The following VPS53 variants were observed in gnomAD, a reference collection of about 807,000 sequenced individuals.
The protein encoded by VPS53 is vacuolar protein sorting-associated protein 53 homolog.
In VPS53, 70 loss-of-function variants were observed where a neutral mutation model predicts 107.0. That is an observed-to-expected ratio of 0.65 (90% CI 0.54 to 0.80). The LOEUF (loss-of-function observed/expected upper bound fraction) is 0.80, where lower values mean the gene tolerates loss of function less well. Among genes scored for constraint, VPS53 ranks in the 30% least tolerant of loss-of-function variants. The probability of loss-of-function intolerance (pLI) is 0.00; values close to 1 mark genes in which losing one functional copy is unlikely to be tolerated. For synonymous variants in VPS53, 409 were observed against 393.3 expected (o/e 1.04, Z -0.47); for missense variants, 917 against 1,049.4 (o/e 0.87, Z 1.74).
At chr17:594,264 A>G (rs894678141) in intron 12 of VPS53, among the ~76,000 whole-genome samples, 4 of 152,238 alleles carry the variant, frequency 2.6e-5, no homozygotes, top group Non-Finnish European at 5.9e-5. Context: ...ACATGTATAC[A>G]TATGTAACTA....
At chr17:713,221 G>A (rs1227244369) in intron 1 of VPS53, among the ~76,000 whole-genome samples, 1 of 151,936 alleles carries the variant, frequency 6.6e-6, no homozygotes, top group East Asian at 1.9e-4. Context: ...AAGTTTCCCA[G>A]GGGTCATTAA....
At chr17:605,558 C>T (rs1356910044) in intron 11 of VPS53, among the ~76,000 whole-genome samples, 3 of 109,582 alleles carry the variant, frequency 2.7e-5, no homozygotes, top group African/African-American at 7.5e-5. Context: ...AGAGGGGTGG[C>T]GGGAGTCCCA....
intron 10 of VPS53, among the ~76,000 whole-genome samples, 157 bp from the exon 11 acceptor site, chr17:623,831 T>A (rs1315698560): frequency 2.6e-5 from 4 of 152,192 alleles, no homozygotes; most frequent in South Asian, 2.1e-4. Flanking sequence ...ACCTGGGGAA[T>A]AGAAATACAT....
chr17:623,563 GA>G lies in VPS53; in HGVS notation c.1085del (p.Phe362SerfsTer6). 6.2e-7 allele frequency: 1 copy of G among 1,613,808 alleles called. No individual in the cohort carries two copies. The highest frequency in any genetic ancestry group is 8.5e-7 in the Non-Finnish European group (1 of 1,179,764). On this transcript the variant is annotated frameshift_variant, in exon 11 of 22. Coordinates refer to ENST00000437048, the MANE Select transcript of VPS53 (RefSeq NM_001128159.3). LOFTEE classifies it high-confidence loss of function. ...TCCCATCGGTCAGGGTGCAGCCGGAGAAGCGTTTTGCAAGAAACCCCTCAAA... is the reference window on the plus strand; with the variant it reads ...TCCCATCGGTCAGGGTGCAGCCGGAGAGCGTTTTGCAAGAAACCCCTCAAA... ...TNFEGFLAKR[F>X]SGCTLTDGTL...
At chr17:541,876 G>A (rs78567979) in intron 17 of VPS53, among the ~76,000 whole-genome samples, 1,391 of 86,038 alleles carry the variant, frequency 0.016, 41 homozygotes, top group African/African-American at 0.069. Flanking sequence ...TATCAAGCAC[G>A]TACTACGCAC....
At chr17:705,738 C>T (rs1973375607) in intron 2 of VPS53, 1 of 152,080 alleles carries the variant, frequency 6.6e-6, no homozygotes, top group South Asian at 2.1e-4. Flanking sequence ...GACTCCATCT[C>T]AAAATAATAA....
chr17:655,990 G>T, intron 5 of VPS53, 37 bp from the exon 6 acceptor site: 2 of 1,564,774 alleles, frequency 1.3e-6, no homozygotes, highest in South Asian at 1.1e-5. Context: ...AAAGGAAGAC[G>T]GTCAAGAAAG....
In VPS53 at chr17:618,475, C is replaced by T. The variant is rs189428274; in HGVS notation, c.1116+5058G>A. 1.6e-3 allele frequency among the ~76,000 whole-genome samples: 239 copies of T among 145,506 alleles called. 6 individuals are homozygous for T. The highest frequency in any genetic ancestry group is 6.8e-3 in the Admixed American group (94 of 13,730). ...GCCACTACGCCCCACTAATATTTCC[C>T]GGGTAGCTGGGACTACAGGCATGCG... On this transcript the variant is annotated intron_variant, in intron 11 of 21. Coordinates refer to ENST00000437048, the MANE Select transcript of VPS53 (RefSeq NM_001128159.3).
At chr17:710,437 C>T in intron 2 of VPS53, 96 bp downstream of exon 2, 1 of 922,374 alleles carries the variant, frequency 1.1e-6, no homozygotes, top group Non-Finnish European at 1.7e-6. Context: ...CCTTGTGTAT[C>T]AAGGGCCCGT....
intron 6 of VPS53, among the ~76,000 whole-genome samples, chr17:653,631 A>G (rs1971052740): frequency 6.6e-6 from 1 of 152,246 alleles, no homozygotes; most frequent in Non-Finnish European, 1.5e-5. Flanking sequence ...AGTCAAGTAC[A>G]CATCTAACTA....
intron 11 of VPS53, among the ~76,000 whole-genome samples, chr17:606,275 C>A (rs1968574195): frequency 6.6e-6 from 1 of 152,098 alleles, no homozygotes; most frequent in African/African-American, 2.4e-5. Context: ...AGATGGGGCA[C>A]CCTCGTGTAG....
intron 13 of VPS53, among the ~76,000 whole-genome samples, chr17:564,115 G>C (rs1285446845): frequency 1.3e-5 from 2 of 152,006 alleles, no homozygotes; most frequent in African/African-American, 4.8e-5. Flanking sequence ...CCGGGTGTGG[G>C]CCGGGTGCGG....
chr17:639,519 T>C (rs987037475), intron 7 of VPS53, among the ~76,000 whole-genome samples: 4 of 152,248 alleles, frequency 2.6e-5, no homozygotes. Context: ...TCAGCTTTTC[T>C]GCTGTTTTTT....
chr17:605,566 C>G (rs1402023851), intron 11 of VPS53, among the ~76,000 whole-genome samples: 37 of 125,290 alleles, frequency 3.0e-4, no homozygotes, highest in Non-Finnish European at 4.5e-4. Context: ...GGCGGGAGTC[C>G]CATCATATTG....
At chr17:618,765 T>C (rs540894056) in intron 11 of VPS53, among the ~76,000 whole-genome samples, 2 of 150,526 alleles carry the variant, frequency 1.3e-5, no homozygotes, top group African/African-American at 4.9e-5. Context: ...CCCGCTAATA[T>C]TTCCCGGGTA....
intron 14 of VPS53, among the ~76,000 whole-genome samples, chr17:561,220 C>T (rs965815079): frequency 6.6e-6 from 1 of 152,212 alleles, no homozygotes; most frequent in African/African-American, 2.4e-5. Flanking sequence ...AAGAGGCCAA[C>T]ACCCATCACA....
intron 4 of VPS53, chr17:684,999 A>G (rs1003191991): frequency 1.3e-5 from 2 of 150,834 alleles, no homozygotes; most frequent in African/African-American, 4.9e-5. Context: ...CAAAAAAAGG[A>G]AAAAAAAAGA....
intron 7 of VPS53, among the ~76,000 whole-genome samples, chr17:649,988 A>G (rs1970873450): frequency 6.6e-6 from 1 of 152,230 alleles, no homozygotes; most frequent in African/African-American, 2.4e-5. Context: ...GGGTTGAGGA[A>G]TTCTTTCAGA....
intron 18 of VPS53, 130 bp downstream of exon 18, chr17:536,898 T>C: frequency 4.2e-6 from 5 of 1,181,598 alleles, no homozygotes; most frequent in Non-Finnish European, 5.9e-6. Context: ...CTGTGCATGT[T>C]GGGGGGGTCA....
Sources: allele counts gnomAD v4.1 joint callset (sites outside exome capture counted in the v4.1 genomes callset), GRCh38; gene constraint gnomAD v4.1.1; transcripts MANE v1.5; gene names NCBI Gene and HGNC (gene_info 2026-07-23, HGNC 2026-07-21).